LRP1: variants seen among roughly 807,000 people sequenced by gnomAD.
LRP1 encodes prolow-density lipoprotein receptor-related protein 1.
Under a neutral mutation model 541.5 loss-of-function variants are expected in LRP1, and 51 were observed. The observed-to-expected ratio is 0.09, with a 90% CI of 0.08 to 0.12. The LOEUF (loss-of-function observed/expected upper bound fraction) is 0.12. Ranked by LOEUF, LRP1 falls within the 10% of genes least tolerant of loss-of-function variation. The pLI, the probability that LRP1 is intolerant of heterozygous loss-of-function variation, is 1.00. For synonymous variants in LRP1, 2,219 were observed against 2,470.8 expected (o/e 0.90, Z 3.02); for missense variants, 3,878 against 6,376.2 (o/e 0.61, Z 13.34).
intron 22 of LRP1, 115 bp from the exon 23 acceptor site, chr12:57,175,345 G>A: frequency 8.1e-7 from 1 of 1,242,012 alleles, no homozygotes; most frequent in Non-Finnish European, 1.1e-6. Flanking sequence ...GGGGCCGTGG[G>A]CAGGGCACAA....
intron 34 of LRP1, among the ~76,000 whole-genome samples, chr12:57,182,263 C>A (rs529236657): frequency 9.8e-5 from 15 of 152,304 alleles, no homozygotes; most frequent in Middle Eastern, 3.4e-3. Context: ...GTAATCCCAG[C>A]ACTTTGGGAG....
chr12:57,162,320 G>A lies in LRP1; in HGVS notation c.2206G>A (p.Val736Met), dbSNP rs771211636. 34 of 1,613,836 alleles carry A rather than the reference G, an allele frequency of 2.1e-5. No individual in the cohort carries two copies. The highest frequency in any genetic ancestry group is 2.8e-5 in the Non-Finnish European group (33 of 1,179,852). The part of the protein sequence containing the change: ...ILLNGTDRKI[V>M]YEGPELNHAF... ...GTAACATCCTCTCCATCCCTAGATT[G>A]TGTATGAAGGTCCTGAGCTGAACCA... Residue 736 changes from valine (V) to methionine (M), a missense_variant, in exon 14 of 89, where the codon GTG becomes ATG. Coordinates refer to ENST00000243077, the MANE Select transcript of LRP1 (RefSeq NM_002332.3). The surrounding 1 kb of genome is among the most constrained non-coding windows in gnomAD (Gnocchi z 5.2).
At chr12:57,174,090 G>A (rs778878639) in intron 22 of LRP1, 110 bp downstream of exon 22, 14 of 1,114,472 alleles carry the variant, frequency 1.3e-5, no homozygotes, top group Non-Finnish European at 1.7e-5. Context: ...TGGCAGCCGG[G>A]CAGGCGAGCA....
Position 57,203,293 on chromosome 12 carries a change from C to A in LRP1, c.10818+6C>A. The A allele has an allele frequency of 6.2e-7, 1 of 1,600,526 alleles. No homozygotes were observed. The highest frequency in any genetic ancestry group is 8.5e-7 in the Non-Finnish European group (1 of 1,170,388). On this transcript the variant is annotated splice_donor_region_variant and intron_variant, in intron 69 of 88. Coordinates refer to ENST00000243077, the MANE Select transcript of LRP1 (RefSeq NM_002332.3). ...GCGCGGACGGCTCGGACGAGGTGGG[C>A]AGGGAGATGAGAAGGAAGCAGATGG...
Position 57,189,560 on chromosome 12 carries a change from C to T in LRP1, c.7032-1245C>T, listed in dbSNP as rs1161580323. The stretch of plus-strand genomic sequence containing the variant: ...GCAGCACCATTTTCCTACGTGAGCC[C>T]AGCAGAAGGCGGGATAGTTCAATGG... On this transcript the variant is annotated intron_variant, in intron 42 of 88. Transcript: ENST00000243077. This position sits in a 1 kb window ranked among gnomAD's most constrained non-coding sequence, Gnocchi z 4.4. Among the ~76,000 whole-genome samples the T allele has an allele frequency of 6.6e-6, 1 of 152,058 alleles. No homozygotes were observed. Among genetic ancestry groups the T allele is most frequent in the Non-Finnish European group, 1.5e-5 (1 of 68,016 alleles).
At chr12:57,150,960 C>T (rs2035514114) in intron 6 of LRP1, among the ~76,000 whole-genome samples, 1 of 151,758 alleles carries the variant, frequency 6.6e-6, no homozygotes, top group Non-Finnish European at 1.5e-5. Flanking sequence ...AGTGTGCTCC[C>T]TGGGGATGTG....
rs934611492 is a variant in LRP1 at position 57,189,399 on chromosome 12, C to T, written c.7032-1406C>T. 2.0e-5 allele frequency among the ~76,000 whole-genome samples: 3 copies of T among 152,126 alleles called. No homozygotes were observed. Among genetic ancestry groups the T allele is most frequent in the South Asian group, 2.1e-4 (1 of 4,824 alleles). On this transcript the variant is annotated intron_variant, in intron 42 of 88. Transcript: ENST00000243077. This position sits in a 1 kb window ranked among gnomAD's most constrained non-coding sequence, Gnocchi z 4.4. ...CCTTATGGAGGCTAGAAGGACACGC[C>T]GCCTCCCTCCCAACTTACATCCCGA...
chr12:57,147,171 G>GT (rs2035427756), intron 6 of LRP1, among the ~76,000 whole-genome samples: 1 of 151,924 alleles, frequency 6.6e-6, no homozygotes, highest in Non-Finnish European at 1.5e-5. Flanking sequence ...GGAAATGCTT[G>GT]TGGGGTAAAT....
At chr12:57,141,613 T>G in intron 3 of LRP1, 102 bp downstream of exon 3, 3 of 1,408,626 alleles carry the variant, frequency 2.1e-6, no homozygotes, top group Non-Finnish European at 2.9e-6. Context: ...TGAGGCCTTG[T>G]CCTGGTCCCC....
Position 57,201,723 on chromosome 12 carries a change from C to G in LRP1, c.10469-57C>G, listed in dbSNP as rs1187827426. Reference sequence around the variant, plus strand: ...TGGCTGCTCCCTCACTCTCCCCACCCTCCCGGCACACTCCTGGAAGGAGTC... The same window carrying G: ...TGGCTGCTCCCTCACTCTCCCCACCGTCCCGGCACACTCCTGGAAGGAGTC... On this transcript the variant is annotated intron_variant, in intron 66 of 88. Transcript: ENST00000243077. This position sits in a 1 kb window ranked among gnomAD's most constrained non-coding sequence, Gnocchi z 6.4. 2.2e-5 allele frequency: 36 copies of G among 1,601,718 alleles called. No individual in the cohort carries two copies. The highest frequency in any genetic ancestry group is 3.1e-5 in the Non-Finnish European group (36 of 1,171,220).
chr12:57,153,803 C>T (rs1489128844), intron 6 of LRP1, among the ~76,000 whole-genome samples: 1 of 151,964 alleles, frequency 6.6e-6, no homozygotes, highest in African/African-American at 2.4e-5. Flanking sequence ...TTCTGGTTAG[C>T]ATGAGATAAC....
At chr12:57,166,866 G>C in intron 17 of LRP1, 64 bp from the exon 18 acceptor site, 1 of 839,658 alleles carries the variant, frequency 1.2e-6, no homozygotes. Context: ...AGAATAATAG[G>C]GAAGAAGAGG....
intron 41 of LRP1, 49 bp from the exon 42 acceptor site, chr12:57,187,218 G>A: frequency 3.2e-6 from 5 of 1,570,898 alleles, no homozygotes; most frequent in Non-Finnish European, 4.3e-6. Context: ...TCCTGTGCAG[G>A]CTGCCCTCTG....
chr12:57,149,061 C>T, intron 6 of LRP1: 1 of 592,676 alleles, frequency 1.7e-6, no homozygotes, highest in Non-Finnish European at 3.0e-6. Context: ...AGACAGCAGT[C>T]CCTCTGAGTC....
chr12:57,135,314 C>T (rs2035134327), intron 1 of LRP1, among the ~76,000 whole-genome samples: 1 of 152,162 alleles, frequency 6.6e-6, no homozygotes, highest in African/African-American at 2.4e-5. Context: ...CTCATCTAAA[C>T]TGCAGGCCAC....
Position 57,138,455 on chromosome 12 carries a change from C to T in LRP1, c.68-4C>T, listed in dbSNP as rs369358380. On this transcript the variant is annotated splice_region_variant and splice_polypyrimidine_tract_variant and intron_variant, in intron 1 of 88. Transcript: ENST00000243077. ...TTATATCCCCTTTTCTTTCCTTGCC[C>T]TAGCCCCTAAGACTTGCAGCCCCAA... 136 of 1,613,612 alleles carry T rather than the reference C, an allele frequency of 8.4e-5. No individual in the cohort carries two copies. Among genetic ancestry groups the T allele is most frequent in the South Asian group, 5.9e-4 (54 of 91,060 alleles).
rs1284310268 is a variant in LRP1 at position 57,212,090 on chromosome 12, T to C, written c.13350-27T>C. ...TAGCCTTCCCCCCCAATAATCTCTG[T>C]CTCCTTATACTCCTGCCTTTCCCCA... On this transcript the variant is annotated intron_variant, in intron 87 of 88. Transcript: ENST00000243077. The surrounding 1 kb of genome is among the most constrained non-coding windows in gnomAD (Gnocchi z 5.0). The C allele has an allele frequency of 6.2e-7, 1 of 1,613,146 alleles. No homozygotes were observed. Among genetic ancestry groups the C allele is most frequent in the Non-Finnish European group, 8.5e-7 (1 of 1,179,528 alleles).
rs1308484682 is a variant in LRP1 at position 57,154,778 on chromosome 12, G to A, written c.1227+77G>A. 2 of 1,329,988 alleles carry A rather than the reference G, an allele frequency of 1.5e-6. No individual in the cohort carries two copies. The highest frequency in any genetic ancestry group is 1.5e-5 in the African/African-American group (1 of 68,552). 82.4% of individuals were successfully genotyped at this position (1,329,988 alleles called of 1,614,324 possible). ...TCTGGTGAGGGGGGAAGCCTCTGTA[G>A]GGGAACCGTTCTCTGAGTCTCCTGG... On this transcript the variant is annotated intron_variant, in intron 8 of 88. Transcript: ENST00000243077. The surrounding 1 kb of genome is among the most constrained non-coding windows in gnomAD (Gnocchi z 4.6).
rs2036268021 is a variant in LRP1 at position 57,186,193 on chromosome 12, GC to G, written c.6841+286del. On this transcript the variant is annotated intron_variant, in intron 41 of 88. Transcript: ENST00000243077. ...CACAAACCCAGGCTGCAGACATGGGGCTGAGCTCCAGTCACTTGGGCTTTCA... is the reference window on the plus strand; with the variant it reads ...CACAAACCCAGGCTGCAGACATGGGGTGAGCTCCAGTCACTTGGGCTTTCA... Among the ~76,000 whole-genome samples the G allele has an allele frequency of 1.3e-5, 2 of 152,196 alleles. 1 individual carries two copies. The highest frequency in any genetic ancestry group is 1.3e-4 in the Admixed American group (2 of 15,282).
Sources: allele counts gnomAD v4.1 joint callset (sites outside exome capture counted in the v4.1 genomes callset), GRCh38; gene constraint gnomAD v4.1.1; non-coding constraint Gnocchi (gnomAD v3.1); transcripts MANE v1.5; gene names NCBI Gene and HGNC (gene_info 2026-07-23, HGNC 2026-07-21).